Variants in CDH22 observed in about 807,000 individuals in gnomAD.
CDH22 encodes the protein cadherin 22.
A neutral mutation model predicts 58.4 loss-of-function variants in CDH22; 30 were observed. That is an observed-to-expected ratio of 0.51 (90% CI 0.38 to 0.70). The LOEUF (loss-of-function observed/expected upper bound fraction) is 0.70, where lower values mean the gene tolerates loss of function less well. Among genes scored for constraint, CDH22 ranks in the 30% least tolerant of loss-of-function variants. The pLI is 0.00. For synonymous variants in CDH22, 513 were observed against 558.2 expected, an observed-to-expected ratio of 0.92 and a Z score of 1.14; for missense variants, 1,014 against 1,233.9, an observed-to-expected ratio of 0.82 and a Z score of 2.67.
chr20:46,255,918 A>C (rs1333494246), intron 1 of CDH22, among the ~76,000 whole-genome samples: 1 of 152,142 alleles, frequency 6.6e-6, no homozygotes, highest in Non-Finnish European at 1.5e-5. Context: ...AGCCTACTGC[A>C]CAGAGCTGTT....
intron 4 of CDH22, among the ~76,000 whole-genome samples, chr20:46,218,111 A>G (rs1423555440): frequency 6.6e-6 from 1 of 152,056 alleles, no homozygotes; most frequent in Non-Finnish European, 1.5e-5. Flanking sequence ...TTTAGTAGAG[A>G]CAGGGTTTTG....
chr20:46,218,764 G>A (rs573621099), intron 4 of CDH22, among the ~76,000 whole-genome samples: 119 of 152,234 alleles, frequency 7.8e-4, no homozygotes, highest in Non-Finnish European at 1.3e-3. Flanking sequence ...GGGGGTGACC[G>A]CAAGATTAAT....
intron 1 of CDH22, among the ~76,000 whole-genome samples, chr20:46,265,816 T>A (rs995311395): frequency 1.3e-5 from 2 of 152,148 alleles, no homozygotes; most frequent in African/African-American, 4.8e-5. Flanking sequence ...TCTCCCACTT[T>A]TCCTTCCCTT....
chr20:46,291,781 T>C (rs985431602), intron 1 of CDH22, among the ~76,000 whole-genome samples: 2 of 152,262 alleles, frequency 1.3e-5, no homozygotes, highest in African/African-American at 4.8e-5. Context: ...CTTGTGGCCA[T>C]ATCTGATCTT....
chr20:46,290,813 G>A (rs990977794), intron 1 of CDH22, among the ~76,000 whole-genome samples: 1 of 152,104 alleles, frequency 6.6e-6, no homozygotes, highest in Non-Finnish European at 1.5e-5. Context: ...TAATAGTTTT[G>A]CAGAGTTGCA....
intron 10 of CDH22, among the ~76,000 whole-genome samples, chr20:46,181,744 C>CTTTCTTTCTTTCTTTCTTTCTTTCT (rs1555800208): frequency 3.3e-5 from 1 of 30,748 alleles, no homozygotes; most frequent in African/African-American, 9.0e-5. Flanking sequence ...TCCTTCCTTC[C>CTTTCTTTCTTTCTTTCTTTCTTTCT]TTCCTTCCTT....
intron 1 of CDH22, among the ~76,000 whole-genome samples, chr20:46,293,788 G>A (rs6124778): frequency 0.25 from 38,597 of 152,000 alleles, 5,404 homozygotes; most frequent in South Asian, 0.39. Context: ...AGGCCAAGGC[G>A]GGCGTATCAC....
At chr20:46,265,885 C>A (rs919211389) in intron 1 of CDH22, among the ~76,000 whole-genome samples, 2 of 152,112 alleles carry the variant, frequency 1.3e-5, no homozygotes, top group East Asian at 1.9e-4. Context: ...GGTTGCCTGC[C>A]CCCTGTTGTT....
chr20:46,266,599 A>C (rs1199600879), intron 1 of CDH22, among the ~76,000 whole-genome samples: 1 of 152,142 alleles, frequency 6.6e-6, no homozygotes, highest in East Asian at 1.9e-4. Context: ...GTTAATTTTT[A>C]TTGTAACCTG....
At chr20:46,206,214 T>C (rs1189171060) in intron 7 of CDH22, among the ~76,000 whole-genome samples, 5 of 152,156 alleles carry the variant, frequency 3.3e-5, no homozygotes, top group Non-Finnish European at 7.3e-5. Context: ...AGGAGTGAAA[T>C]GGCCAAAGGC....
chr20:46,179,398 C>T (rs561910684), intron 10 of CDH22, among the ~76,000 whole-genome samples: 58 of 152,300 alleles, frequency 3.8e-4, no homozygotes, highest in African/African-American at 1.3e-3. Context: ...CTTCCCCAGA[C>T]GACCCCAATT....
At chr20:46,289,166 G>A (rs796679097) in intron 1 of CDH22, among the ~76,000 whole-genome samples, 8 of 152,188 alleles carry the variant, frequency 5.3e-5, no homozygotes, top group African/African-American at 1.9e-4. Flanking sequence ...CCTCTTGCCT[G>A]GAACACCCTC....
At chr20:46,275,718 C>G (rs1450370385) in intron 1 of CDH22, among the ~76,000 whole-genome samples, 2 of 151,900 alleles carry the variant, frequency 1.3e-5, no homozygotes, top group Non-Finnish European at 2.9e-5. Flanking sequence ...AGGAGCTGAG[C>G]CTTCAGAAGC....
At chr20:46,278,852 T>A (rs930900091) in intron 1 of CDH22, among the ~76,000 whole-genome samples, 2 of 152,176 alleles carry the variant, frequency 1.3e-5, no homozygotes, top group Non-Finnish European at 2.9e-5. Context: ...CCTCCCAAAG[T>A]ATTGGGATTA....
intron 4 of CDH22, among the ~76,000 whole-genome samples, chr20:46,226,311 G>A (rs200226014): frequency 1.5e-5 from 2 of 133,662 alleles, no homozygotes; most frequent in African/African-American, 5.6e-5. Flanking sequence ...TTTGAGACAG[G>A]GTCTTGCTCT....
chr20:46,174,670 A>G lies in CDH22; in HGVS notation c.2323T>C (p.Phe775Leu). The change falls in exon 12 of 12, where the codon TTC becomes CTC. Residue 775 changes from phenylalanine (F) to leucine (L), a missense_variant. By Grantham distance (22) the Phe-to-Leu change is conservative (BLOSUM62 0). Transcript: ENST00000537909. The surrounding 1 kb of genome is among the most constrained non-coding windows in gnomAD (Gnocchi z 4.4). ...GCGGCCGGCGAGTCCGCGCCCTCGA[A>G]GGCGTAGGTCTGGAAGGCGTCGTAG... is the stretch of plus-strand genomic sequence containing the variant. The part of the protein sequence containing the change: ...PPYDAFQTYA[F>L]EGADSPAASL... The G allele has an allele frequency of 2.6e-6, 4 of 1,560,032 alleles. No individual in the cohort carries two copies. Among genetic ancestry groups the G allele is most frequent in the Non-Finnish European group, 3.4e-6 (4 of 1,160,128 alleles).
chr20:46,175,708 C>T (rs1169617893), intron 11 of CDH22, among the ~76,000 whole-genome samples: 1 of 152,222 alleles, frequency 6.6e-6, no homozygotes, highest in African/African-American at 2.4e-5. Flanking sequence ...GCAACATCCT[C>T]CTGGGAGCTT....
intron 4 of CDH22, among the ~76,000 whole-genome samples, chr20:46,223,641 C>CTT (rs1225407469): frequency 3.0e-4 from 45 of 148,996 alleles, no homozygotes; most frequent in African/African-American, 1.1e-3. Context: ...TTCTTTCTTT[C>CTT]TTTCTTTCTC....
chr20:46,227,342 C>A (rs1015511103), intron 4 of CDH22, among the ~76,000 whole-genome samples, 166 bp downstream of exon 4: 1 of 152,194 alleles, frequency 6.6e-6, no homozygotes, highest in African/African-American at 2.4e-5. Flanking sequence ...GCTGCCCCTC[C>A]CTCTCCGCGA....
Sources: allele counts gnomAD v4.1 joint callset (sites outside exome capture counted in the v4.1 genomes callset), GRCh38; gene constraint gnomAD v4.1.1; non-coding constraint Gnocchi (gnomAD v3.1); transcripts MANE v1.5; gene names NCBI Gene and HGNC (gene_info 2026-07-23, HGNC 2026-07-21).